The following SRCIN1 variants were observed in gnomAD, a reference collection of about 807,000 sequenced individuals.
The protein encoded by SRCIN1 is P130Cas-associated protein.
Under a neutral mutation model 116.2 loss-of-function variants are expected in SRCIN1, and 50 were observed. The ratio of observed to expected loss-of-function variants is 0.43; its 90% CI spans 0.34 to 0.54. The LOEUF (loss-of-function observed/expected upper bound fraction) is 0.54, where lower values mean the gene tolerates loss of function less well. Ranked by LOEUF, SRCIN1 falls within the 20% of genes least tolerant of loss-of-function variation. The pLI is 0.02. For synonymous variants in SRCIN1, 736 were observed against 750.0 expected (o/e 0.98, Z 0.30); for missense variants, 1,446 against 1,672.0 (o/e 0.86, Z 2.36).
At position 38,552,241 on chromosome 17, in the gene SRCIN1, G is replaced by T; in HGVS notation, c.2481-109C>A. 4 of 1,496,804 alleles carry T rather than the reference G, an allele frequency of 2.7e-6. No individual in the cohort carries two copies. Among genetic ancestry groups the T allele is most frequent in the Non-Finnish European group, 2.7e-6 (3 of 1,111,886 alleles). The allele number at this position is 1,496,804 out of a possible 1,614,324, so 92.7% of individuals were successfully genotyped here. A position where few individuals can be genotyped will look rare whatever the true frequency, so the allele number is the denominator to read the frequency against. ...TGGGAGGCAGGCTCTGGGATGCTGT[G>T]GGAGGGCCTGGGGAGGAGTGACTGC... On this transcript the variant is annotated intron_variant, in intron 13 of 18. Coordinates refer to ENST00000617146, the MANE Select transcript of SRCIN1 (RefSeq NM_025248.3). The surrounding 1 kb of genome is among the most constrained non-coding windows in gnomAD (Gnocchi z 5.3).
chr17:38,565,306 AGATAATGAATCC>A (rs1486629085), intron 3 of SRCIN1, among the ~76,000 whole-genome samples: 1 of 152,190 alleles, frequency 6.6e-6, no homozygotes, highest in African/African-American at 2.4e-5. Context: ...ACAAGGAGTG[AGATAATGAATCC>A]GATCTACATC....
Position 38,562,158 on chromosome 17 carries a change from C to A in SRCIN1, c.1005G>T (p.Gly335=). The A allele has an allele frequency of 7.3e-7, 1 of 1,365,308 alleles. No homozygotes were observed. The highest frequency in any genetic ancestry group is 9.4e-7 in the Non-Finnish European group (1 of 1,067,070). 84.6% of individuals were successfully genotyped at this position (1,365,308 alleles called of 1,614,324 possible). ...PSRSRLSYAG[G]RPPSYAGSPV... ...GGCTGCCGGCGTACGAAGGCGGGCG[C>A]CCCCCGGCGTACGATAGGCGCGAAC... is the stretch of plus-strand genomic sequence containing the variant. The change falls in exon 7 of 19, where the codon GGG becomes GGT. Residue 335 remains glycine, a synonymous_variant. Transcript: ENST00000617146. The surrounding 1 kb of genome is among the most constrained non-coding windows in gnomAD (Gnocchi z 4.2).
chr17:38,583,590 T>C (rs981414276), intron 1 of SRCIN1, among the ~76,000 whole-genome samples: 3 of 147,134 alleles, frequency 2.0e-5, no homozygotes, highest in Non-Finnish European at 4.5e-5. Flanking sequence ...TTTCACTCTA[T>C]GGCCCAGGCT....
In SRCIN1 at chr17:38,552,959, A is replaced by T; in HGVS notation, c.2202-104T>A. On this transcript the variant is annotated intron_variant, in intron 11 of 18. Coordinates refer to ENST00000617146, the MANE Select transcript of SRCIN1 (RefSeq NM_025248.3). The surrounding 1 kb of genome is among the most constrained non-coding windows in gnomAD (Gnocchi z 5.3). The stretch of plus-strand genomic sequence containing the variant: ...GAAATCAGGCCACCAGTTGGATCGA[A>T]AGTAAAAGCAGGAGGCTGGGCACCG... The T allele has an allele frequency of 6.6e-7, 1 of 1,515,326 alleles. No homozygotes were observed. Among genetic ancestry groups the T allele is most frequent in the Non-Finnish European group, 8.8e-7 (1 of 1,131,012 alleles). 93.9% of individuals were successfully genotyped at this position (1,515,326 alleles called of 1,614,324 possible). A position where few individuals can be genotyped will look rare whatever the true frequency, so the allele number is the denominator to read the frequency against.
At chr17:38,576,136 T>G (rs1907404309) in intron 2 of SRCIN1, among the ~76,000 whole-genome samples, 1 of 152,164 alleles carries the variant, frequency 6.6e-6, no homozygotes, top group Non-Finnish European at 1.5e-5. Flanking sequence ...CTCCCAGGCC[T>G]GCTACCCCTG....
chr17:38,551,931 C>T lies in SRCIN1; in HGVS notation c.2682G>A (p.Leu894=), dbSNP rs548453060. 3.1e-6 allele frequency: 5 copies of T among 1,614,064 alleles called. No individual in the cohort carries two copies. The South Asian group carries it at 5.5e-5, about 18-fold the overall frequency. The change falls in exon 14 of 19, where the codon CTG becomes CTA. Residue 894 remains leucine, a synonymous_variant. Coordinates refer to ENST00000617146, the MANE Select transcript of SRCIN1 (RefSeq NM_025248.3). ...TPKGGNPTKG[L]DTPGKRSVDK... The stretch of plus-strand genomic sequence containing the variant: ...CCACGCTTCTCTTGCCAGGAGTGTC[C>T]AGGCCTTTGGTGGGGTTGCCCCCCT...
Position 38,531,905 on chromosome 17 carries a change from G to A in SRCIN1, c.*1392C>T, listed in dbSNP as rs951420514. On this transcript the variant is annotated 3_prime_UTR_variant, in exon 19 of 19. Transcript: ENST00000617146. ...GTGCTTACTTCACTTTGTGCTCCAAGTGGGAATCCTGCGGCCGGGGACCCC... is the reference window on the plus strand; with the variant it reads ...GTGCTTACTTCACTTTGTGCTCCAAATGGGAATCCTGCGGCCGGGGACCCC... The A allele has an allele frequency of 2.6e-5, 4 of 153,346 alleles. No homozygotes were observed. Among genetic ancestry groups the A allele is most frequent in the African/African-American group, 9.6e-5 (4 of 41,458 alleles). 9.5% of individuals were successfully genotyped at this position (153,346 alleles called of 1,614,324 possible).
chr17:38,594,387 C>A (rs953214620), intron 1 of SRCIN1, among the ~76,000 whole-genome samples: 4 of 152,194 alleles, frequency 2.6e-5, no homozygotes, highest in Non-Finnish European at 5.9e-5. Context: ...GCGGCGGCAG[C>A]CACGGTGGCA....
At chr17:38,535,486 C>G (rs1032083637) in intron 18 of SRCIN1, among the ~76,000 whole-genome samples, 1 of 152,162 alleles carries the variant, frequency 6.6e-6, no homozygotes, top group African/African-American at 2.4e-5. Context: ...GGATTACAGG[C>G]GTGAACCACC....
At chr17:38,537,635 C>T (rs1395661479) in intron 18 of SRCIN1, among the ~76,000 whole-genome samples, 1 of 151,024 alleles carries the variant, frequency 6.6e-6, no homozygotes, top group Non-Finnish European at 1.5e-5. Flanking sequence ...ACTAAAAATA[C>T]GAAAAATGAG....
At chr17:38,587,214 A>G (rs1242899524) in intron 1 of SRCIN1, among the ~76,000 whole-genome samples, 1 of 151,702 alleles carries the variant, frequency 6.6e-6, no homozygotes, top group Non-Finnish European at 1.5e-5. Context: ...CCACATCAGG[A>G]GTGGGGTGGG....
Position 38,548,577 on chromosome 17 carries a change from G to A in SRCIN1, c.3250C>T (p.Arg1084Cys), listed in dbSNP as rs1195040919. The A allele has an allele frequency of 3.7e-6, 6 of 1,612,132 alleles. No homozygotes were observed. Among genetic ancestry groups the A allele is most frequent in the African/African-American group, 1.3e-5 (1 of 74,900 alleles). ...CCTACCTCTAGCTCTGCGATGATGC[G>A]ATCCTCGTCATCCTCGTCCTTGATG... ...SAIKDEDDED[R>C]IIAELESGGG... The change falls in exon 17 of 19, where the codon CGC becomes TGC. Residue 1084 changes from arginine to cysteine, a missense_variant. Arg to Cys is a radical substitution (Grantham distance 180, BLOSUM62 -3). Transcript: ENST00000617146.
chr17:38,563,761 G>T lies in SRCIN1; in HGVS notation c.542-240C>A. 7.3e-6 allele frequency: 5 copies of T among 684,536 alleles called. No homozygotes were observed. Among genetic ancestry groups the T allele is most frequent in the Non-Finnish European group, 1.3e-5 (5 of 386,342 alleles). 42.4% of individuals were successfully genotyped at this position (684,536 alleles called of 1,614,324 possible). On this transcript the variant is annotated intron_variant, in intron 4 of 18. Coordinates refer to ENST00000617146, the MANE Select transcript of SRCIN1 (RefSeq NM_025248.3). The surrounding 1 kb of genome is among the most constrained non-coding windows in gnomAD (Gnocchi z 5.8). Reference sequence around the variant, plus strand: ...CAGGCAGTTGAAGGAACTTGGACAAGGAAATGGAAGTGGGGGCAGAGCAGG... The same window carrying T: ...CAGGCAGTTGAAGGAACTTGGACAATGAAATGGAAGTGGGGGCAGAGCAGG...
intron 10 of SRCIN1, chr17:38,559,215 A>C: frequency 3.4e-6 from 1 of 298,218 alleles, no homozygotes. Context: ...TCGCTGACTC[A>C]GGGAAAGGGA....
At chr17:38,561,374 G>C in intron 7 of SRCIN1, 89 bp downstream of exon 7, 2 of 1,383,692 alleles carry the variant, frequency 1.4e-6, no homozygotes, top group Non-Finnish European at 1.9e-6. Context: ...CTCAGTCCAG[G>C]ACACACACCT....
intron 15 of SRCIN1, among the ~76,000 whole-genome samples, chr17:38,550,322 A>G (rs567802834): frequency 2.7e-4 from 41 of 152,056 alleles, no homozygotes; most frequent in Admixed American, 7.2e-4. Context: ...GTGAGACCCC[A>G]TCTCTACTAA....
chr17:38,594,118 G>A (rs1397144727), intron 1 of SRCIN1, among the ~76,000 whole-genome samples: 1 of 152,184 alleles, frequency 6.6e-6, no homozygotes, highest in East Asian at 1.9e-4. Flanking sequence ...CTGCCCCTGA[G>A]CCCACCCTGC....
At chr17:38,543,799 G>T in intron 18 of SRCIN1, 24 bp downstream of exon 18, 1 of 1,599,596 alleles carries the variant, frequency 6.3e-7, no homozygotes. Context: ...GGGCCTGGGT[G>T]GCCCCCACAG....
chr17:38,541,574 G>C (rs1371707615), intron 18 of SRCIN1: 1 of 152,834 alleles, frequency 6.5e-6, no homozygotes, highest in Non-Finnish European at 1.5e-5. Flanking sequence ...ACTAAGCAGT[G>C]CACCTGGTGC....
Sources: allele counts gnomAD v4.1 joint callset (sites outside exome capture counted in the v4.1 genomes callset), GRCh38; gene constraint gnomAD v4.1.1; non-coding constraint Gnocchi (gnomAD v3.1); transcripts MANE v1.5; gene names NCBI Gene and HGNC (gene_info 2026-07-23, HGNC 2026-07-21).